The following CLASP2 variants were observed in gnomAD, a reference collection of about 807,000 sequenced individuals.
CLASP2 encodes cytoplasmic linker associated protein 2, also known as CLIP-associating protein 2.
CLASP2 carries 47 observed loss-of-function variants against 194.4 expected under a neutral mutation model. The observed-to-expected ratio is 0.24, with a 90% CI of 0.19 to 0.31. CLASP2 has a LOEUF of 0.31. CLASP2 is among the 10% of genes least tolerant of loss of function. The pLI, the probability that CLASP2 is intolerant of heterozygous loss-of-function variation, is 1.00. For synonymous variants in CLASP2, 619 were observed against 633.5 expected, an observed-to-expected ratio of 0.98 and a Z score of 0.34; for missense variants, 1,445 against 1,823.6, an observed-to-expected ratio of 0.79 and a Z score of 3.78.
chr3:33,521,890 C>A (rs2053207997), intron 34 of CLASP2, among the ~76,000 whole-genome samples: 1 of 152,214 alleles, frequency 6.6e-6, no homozygotes, highest in Non-Finnish European at 1.5e-5. Context: ...CCCCCCTCCA[C>A]CAGCCCCAGC....
intron 1 of CLASP2, among the ~76,000 whole-genome samples, chr3:33,700,903 G>C (rs1390703398): frequency 6.6e-6 from 1 of 151,922 alleles, no homozygotes; most frequent in African/African-American, 2.4e-5. Flanking sequence ...CTCAACAATT[G>C]GGAATTTTCA....
chr3:33,573,934 T>C (rs2064282824), intron 24 of CLASP2, among the ~76,000 whole-genome samples: 1 of 152,152 alleles, frequency 6.6e-6, no homozygotes, highest in Admixed American at 6.5e-5. Context: ...TAGTCTACTA[T>C]TATTTTAAGG....
At chr3:33,587,117 ATTCTTTTTTTTCT>A (rs1321495202) in intron 21 of CLASP2, among the ~76,000 whole-genome samples, 1 of 151,814 alleles carries the variant, frequency 6.6e-6, no homozygotes, top group Non-Finnish European at 1.5e-5. Context: ...GCGATCTGTG[ATTCTTTTTTTTCT>A]TTCTTTTTTT....
rs781072953 is a variant in CLASP2, at chr3:33,543,519, C to G, written c.3318G>C (p.Leu1106Phe). The G allele has an allele frequency of 6.2e-7, 1 of 1,611,534 alleles. No homozygotes were observed. Residue 1106 changes from leucine (L) to phenylalanine (F), a missense_variant, in exon 32 of 39, where the codon TTG becomes TTC. Transcript: ENST00000682230. ...NGTQSSMGSP[L>F]TRPTPRSPAN... ...CTGGTGATCGTGGTGTTGGTCTTGT[C>G]AAAGGACTCCCCATGGAACTCTGAT...
intron 29 of CLASP2, among the ~76,000 whole-genome samples, chr3:33,554,109 T>C (rs1030343277): frequency 6.6e-6 from 1 of 151,218 alleles, no homozygotes; most frequent in Non-Finnish European, 1.5e-5. Flanking sequence ...GCGCCTGTAA[T>C]CCCAGCTACT....
intron 7 of CLASP2, among the ~76,000 whole-genome samples, chr3:33,658,195 G>A (rs2084638526): frequency 6.6e-6 from 1 of 152,090 alleles, no homozygotes; most frequent in Non-Finnish European, 1.5e-5. Context: ...TCTGTGCCTG[G>A]ATCTGGGACA....
chr3:33,565,356 C>A (rs13072794), intron 27 of CLASP2, among the ~76,000 whole-genome samples: 1 of 151,492 alleles, frequency 6.6e-6, no homozygotes, highest in Admixed American at 6.6e-5. Context: ...TTTTTTTGTA[C>A]TTTTAGTAGA....
At chr3:33,630,215 C>T (rs926235755) in intron 9 of CLASP2, among the ~76,000 whole-genome samples, 1 of 152,218 alleles carries the variant, frequency 6.6e-6, no homozygotes, top group African/African-American at 2.4e-5. Flanking sequence ...ACTTCTTACA[C>T]TTCATCTGTA....
At chr3:33,548,463 A>C (rs1159828542) in intron 30 of CLASP2, among the ~76,000 whole-genome samples, 8 of 151,686 alleles carry the variant, frequency 5.3e-5, no homozygotes, top group Non-Finnish European at 1.2e-4. Flanking sequence ...ACACTCAGCT[A>C]ATTTTTCATA....
At chr3:33,574,391 T>C (rs1258418638) in intron 24 of CLASP2, 11 of 814,108 alleles carry the variant, frequency 1.4e-5, no homozygotes, top group Non-Finnish European at 1.9e-5. Context: ...TGATTTTTAA[T>C]AGAAGACCAT....
chr3:33,700,672 T>G (rs1045587055), intron 1 of CLASP2, among the ~76,000 whole-genome samples: 5 of 151,484 alleles, frequency 3.3e-5, no homozygotes, highest in African/African-American at 1.2e-4. Flanking sequence ...ATGGTAAAAC[T>G]CTGTCTCTAC....
At position 33,644,848 on chromosome 3, in the gene CLASP2, T is replaced by C; in HGVS notation, c.771A>G (p.Ala257=). Residue 257 remains alanine, a synonymous_variant, in exon 8 of 39, where the codon GCA becomes GCG. Coordinates refer to ENST00000682230, the MANE Select transcript of CLASP2 (RefSeq NM_001365631.1). Reference sequence around the variant, plus strand: ...TAGGTGCAGGAACCTTGAAGGCTGATGCAGCTGATGATGGCCTATTTCCAT... The same window carrying C: ...TAGGTGCAGGAACCTTGAAGGCTGACGCAGCTGATGATGGCCTATTTCCAT... ...SVDGNRPSSA[A]SAFKVPAPKT... 3 of 1,610,464 alleles carry C rather than the reference T, an allele frequency of 1.9e-6. No individual in the cohort carries two copies. Among genetic ancestry groups the C allele is most frequent in the African/African-American group, 1.3e-5 (1 of 75,038 alleles).
intron 8 of CLASP2, 181 bp downstream of exon 8, chr3:33,644,576 C>A: frequency 1.5e-6 from 1 of 668,910 alleles, no homozygotes. Flanking sequence ...GAGGAAATAG[C>A]AGTATACAAT....
chr3:33,631,482 G>A (rs2079070551), intron 9 of CLASP2, among the ~76,000 whole-genome samples: 1 of 152,150 alleles, frequency 6.6e-6, no homozygotes, highest in African/African-American at 2.4e-5. Context: ...GATCACTTGA[G>A]GTGAGGAGTT....
chr3:33,701,678 C>G (rs1239730454), intron 1 of CLASP2, among the ~76,000 whole-genome samples: 1 of 152,116 alleles, frequency 6.6e-6, no homozygotes, highest in African/African-American at 2.4e-5. Flanking sequence ...CAACTGATCT[C>G]CAACAACTGT....
rs757135776 is a variant in CLASP2, at chr3:33,684,434, G to A, written c.569C>T (p.Ala190Val). The stretch of plus-strand genomic sequence containing the variant: ...CACATGTCTATAAATCTCCACTATA[G>A]CCAATATTGCAGCATCTCTCACCTG... Reference protein sequence around the residue: ...NSQVRDAAILAIVEIYRHVGE... With the variant: ...NSQVRDAAILVIVEIYRHVGE... The change falls in exon 6 of 39, where the codon GCT becomes GTT. Residue 190 changes from alanine (A) to valine (V), a missense_variant. Ala to Val is a moderately conservative substitution (Grantham distance 64). This residue lies in a region of CLASP2 where 332 missense variants were observed against 325.3 expected (regional missense o/e 1.02). Transcript: ENST00000682230. The A allele has an allele frequency of 6.3e-6, 10 of 1,598,866 alleles. No homozygotes were observed. In the South Asian group the frequency reaches 1.0e-4, roughly 16 times the overall value.
intron 25 of CLASP2, among the ~76,000 whole-genome samples, chr3:33,571,014 A>C (rs1483316460): frequency 3.1e-5 from 4 of 127,744 alleles, no homozygotes; most frequent in South Asian, 5.0e-4. Context: ...TGTCTCTATA[A>C]ATTTTTTTTT....
chr3:33,573,520 C>T (rs1472555840), intron 24 of CLASP2, 166 bp from the exon 25 acceptor site: 1 of 781,846 alleles, frequency 1.3e-6, no homozygotes, highest in Non-Finnish European at 2.1e-6. Context: ...CTTCAGAAAA[C>T]AAGTTTTAGA....
chr3:33,615,071 A>C (rs954508369), intron 12 of CLASP2, among the ~76,000 whole-genome samples: 22 of 152,272 alleles, frequency 1.4e-4, no homozygotes, highest in African/African-American at 5.3e-4. Flanking sequence ...GGCAAGGAAA[A>C]GCCAAACCAA....
Sources: allele counts gnomAD v4.1 joint callset (sites outside exome capture counted in the v4.1 genomes callset), GRCh38; gene constraint gnomAD v4.1.1; regional missense constraint gnomAD v4.1.1; transcripts MANE v1.5; gene names NCBI Gene and HGNC (gene_info 2026-07-23, HGNC 2026-07-21).